The following TXNDC5 variants were observed in gnomAD, a reference collection of about 807,000 sequenced individuals.
TXNDC5 encodes thioredoxin domain containing 5.
TXNDC5 carries 44 observed loss-of-function variants against 52.6 expected under a neutral mutation model. That is an observed-to-expected ratio of 0.84 (90% CI 0.66 to 1.08). TXNDC5 has a LOEUF of 1.08. Ranked by LOEUF, TXNDC5 falls within the 50% of genes least tolerant of loss-of-function variation. The pLI is 0.00. For missense variants in TXNDC5, 600 were observed against 565.5 expected (o/e 1.06, Z -0.62); for synonymous variants, 241 against 234.4 (o/e 1.03, Z -0.26).
At chr6:7,896,610 C>T (rs1205369823) in intron 3 of TXNDC5, among the ~76,000 whole-genome samples, 1 of 152,196 alleles carries the variant, frequency 6.6e-6, no homozygotes, top group African/African-American at 2.4e-5. Context: ...GCCAGCGCGT[C>T]AAGACTTTCA....
intron 1 of TXNDC5, among the ~76,000 whole-genome samples, chr6:7,909,176 C>T (rs1251671941): frequency 6.6e-6 from 1 of 152,208 alleles, no homozygotes; most frequent in East Asian, 1.9e-4. Flanking sequence ...AAGAGAAAAA[C>T]GTTTCTCCCA....
intron 7 of TXNDC5, 63 bp from the exon 8 acceptor site, chr6:7,886,106 TG>T: frequency 6.9e-7 from 1 of 1,451,122 alleles, no homozygotes; most frequent in Non-Finnish European, 9.6e-7. Flanking sequence ...GGCCATGCTT[TG>T]GGATTGCAGA....
chr6:7,886,294 G>C (rs1023044599), intron 7 of TXNDC5, among the ~76,000 whole-genome samples: 1 of 152,150 alleles, frequency 6.6e-6, no homozygotes, highest in Non-Finnish European at 1.5e-5. Flanking sequence ...GTGAGGAGGT[G>C]GCTGGACACT....
chr6:7,893,584 T>A (rs1458862312), intron 4 of TXNDC5, among the ~76,000 whole-genome samples: 1 of 152,222 alleles, frequency 6.6e-6, no homozygotes, highest in Non-Finnish European at 1.5e-5. Flanking sequence ...AACAGGTGAT[T>A]TGGGAAACAC....
In TXNDC5 at chr6:7,885,844, A is replaced by G. The variant is rs116448230; in HGVS notation, c.1046+117T>C. 2.1e-4 allele frequency: 177 copies of G among 847,920 alleles called. No individual in the cohort carries two copies. The African/African-American group carries it at 2.9e-3, about 14-fold the overall frequency. 52.5% of individuals were successfully genotyped at this position (847,920 alleles called of 1,614,324 possible). On this transcript the variant is annotated intron_variant, in intron 8 of 9. Coordinates refer to ENST00000379757, the MANE Select transcript of TXNDC5 (RefSeq NM_030810.5). Reference sequence around the variant, plus strand: ...TTCCTTATTTCCTACAACATGACCTACATATAAATGTAACATGTGCCCAAC... The same window carrying G: ...TTCCTTATTTCCTACAACATGACCTGCATATAAATGTAACATGTGCCCAAC...
intron 2 of TXNDC5, among the ~76,000 whole-genome samples, chr6:7,903,497 G>A (rs1760636560): frequency 6.6e-6 from 1 of 152,158 alleles, no homozygotes; most frequent in Non-Finnish European, 1.5e-5. Flanking sequence ...ATGTTTGGGG[G>A]ATCACCTTAC....
At chr6:7,893,573 T>C (rs967592329) in intron 4 of TXNDC5, among the ~76,000 whole-genome samples, 5 of 152,212 alleles carry the variant, frequency 3.3e-5, no homozygotes, top group African/African-American at 1.2e-4. Context: ...AGTCGGTCCG[T>C]AACAGGTGAT....
chr6:7,883,587 GAGC>G (rs1210240904), intron 9 of TXNDC5, among the ~76,000 whole-genome samples: 1 of 152,172 alleles, frequency 6.6e-6, no homozygotes, highest in Non-Finnish European at 1.5e-5. Flanking sequence ...GATTTGGATT[GAGC>G]AGGCCTGGGA....
At position 7,883,683 on chromosome 6, in the gene TXNDC5, A is replaced by G. The variant is rs17764309; in HGVS notation, c.1177-417T>C. Among the ~76,000 whole-genome samples, 378 of 152,306 alleles carry G rather than the reference A, an allele frequency of 2.5e-3. 10 individuals carry two copies. The East Asian group carries it at 0.061, about 24-fold the overall frequency. On this transcript the variant is annotated intron_variant, in intron 9 of 9. Transcript: ENST00000379757. ...GAGAGCAAGATCCTCTTGAGGATAC[A>G]TGTTTCAGTGGCAACTCGTTTCTAA... is the stretch of plus-strand genomic sequence containing the variant.
rs556794102 is a variant in TXNDC5, at chr6:7,893,535, G to GCCTGCCGGAGTCGGTCTGT, written c.616+1552_616+1570dup. On this transcript the variant is annotated intron_variant, in intron 4 of 9. Transcript: ENST00000379757. The stretch of plus-strand genomic sequence containing the variant: ...ACCCACTTAGGGAGGCGCTGGCTAG[G>GCCTGCCGGAGTCGGTCTGT]CCTGCCGGAGTCGGTCTGTCCTGCC... 5.2e-3 allele frequency among the ~76,000 whole-genome samples: 799 copies of GCCTGCCGGAGTCGGTCTGT among 152,296 alleles called. 3 individuals are homozygous for GCCTGCCGGAGTCGGTCTGT. The highest frequency in any genetic ancestry group is 0.018 in the African/African-American group (742 of 41,544).
intron 7 of TXNDC5, among the ~76,000 whole-genome samples, chr6:7,886,541 C>G (rs1380327623): frequency 6.6e-6 from 1 of 152,286 alleles, no homozygotes; most frequent in East Asian, 1.9e-4. Flanking sequence ...ACAGAAAGAA[C>G]CTAGTTACAA....
At chr6:7,907,458 C>T (rs564132758) in intron 1 of TXNDC5, among the ~76,000 whole-genome samples, 1 of 152,330 alleles carries the variant, frequency 6.6e-6, no homozygotes, top group South Asian at 2.1e-4. Context: ...GACTCACAAA[C>T]TGGCCATACA....
intron 5 of TXNDC5, 123 bp from the exon 6 acceptor site, chr6:7,889,704 T>G: frequency 2.8e-6 from 2 of 716,834 alleles, no homozygotes; most frequent in Non-Finnish European, 4.6e-6. Context: ...GTAGCAACTC[T>G]GCCAGCAAGG....
rs746102262 is a variant in TXNDC5 at position 7,910,588 on chromosome 6, C to A, written c.189G>T (p.Lys63Asn). 1.1e-4 allele frequency: 157 copies of A among 1,406,788 alleles called. No individual in the cohort carries two copies. Among genetic ancestry groups the A allele is most frequent in the Non-Finnish European group, 1.4e-4 (148 of 1,063,938 alleles). 87.1% of individuals were successfully genotyped at this position (1,406,788 alleles called of 1,614,324 possible). A position where few individuals can be genotyped will look rare whatever the true frequency, so the allele number is the denominator to read the frequency against. The change falls in exon 1 of 10, where the codon AAG becomes AAT. Residue 63 changes from lysine to asparagine, a missense_variant. Physicochemically the swap from Lys to Asn is moderately conservative, Grantham distance 94. Coordinates refer to ENST00000379757, the MANE Select transcript of TXNDC5 (RefSeq NM_030810.5). ...TGAACATGTCGGCCGTGTACAGGTG[C>A]TTGCTGTGCGGGTCCTGTCCGTCCT... ...DGEDGQDPHS[K>N]HLYTADMFTH...
At chr6:7,888,967 A>G (rs371524459) in intron 6 of TXNDC5, 119 bp from the exon 7 acceptor site, 2 of 1,310,368 alleles carry the variant, frequency 1.5e-6, no homozygotes, top group Non-Finnish European at 1.0e-6. Context: ...GCGGTGGTGC[A>G]AAGTCTGCAT....
chr6:7,909,371 G>T (rs1220715825), intron 1 of TXNDC5, among the ~76,000 whole-genome samples: 2 of 151,452 alleles, frequency 1.3e-5, no homozygotes, highest in African/African-American at 4.9e-5. Flanking sequence ...ATGGCTTTCT[G>T]CTCTGGCCTG....
chr6:7,889,173 C>T, intron 6 of TXNDC5: 1 of 440,490 alleles, frequency 2.3e-6, no homozygotes, highest in South Asian at 4.2e-5. Flanking sequence ...GGGAGGCAGG[C>T]AGAACCGGAC....
chr6:7,889,680 A>G (rs1275460881), intron 5 of TXNDC5, 99 bp from the exon 6 acceptor site: 2 of 906,038 alleles, frequency 2.2e-6, no homozygotes, highest in African/African-American at 1.7e-5. Flanking sequence ...TATTCTTTTC[A>G]AAATCCACAT....
At chr6:7,903,350 C>T (rs1200231194) in intron 2 of TXNDC5, among the ~76,000 whole-genome samples, 1 of 152,200 alleles carries the variant, frequency 6.6e-6, no homozygotes, top group Non-Finnish European at 1.5e-5. Flanking sequence ...CTTACATTAG[C>T]AAGCAGTCAC....
Sources: allele counts gnomAD v4.1 joint callset (sites outside exome capture counted in the v4.1 genomes callset), GRCh38; gene constraint gnomAD v4.1.1; transcripts MANE v1.5; gene names NCBI Gene and HGNC (gene_info 2026-07-23, HGNC 2026-07-21).